BTRC: variants seen among roughly 807,000 people sequenced by gnomAD.
BTRC encodes beta-transducin repeat containing E3 ubiquitin protein ligase, also known as F-box/WD repeat-containing protein 1A.
In BTRC, 42 loss-of-function variants were observed where a neutral mutation model predicts 85.5. That is an observed-to-expected ratio of 0.49 (90% confidence interval 0.38 to 0.64). The LOEUF (loss-of-function observed/expected upper bound fraction) is 0.64. Among genes scored for constraint, BTRC ranks in the 30% least tolerant of loss-of-function variants. The probability of loss-of-function intolerance (pLI) is 0.00; values close to 1 mark genes in which losing one functional copy is unlikely to be tolerated. For missense variants in BTRC, 594 were observed against 743.5 expected (o/e 0.80, Z 2.34); for synonymous variants, 255 against 263.3 (o/e 0.97, Z 0.30).
At chr10:101,551,414 TC>T (rs900168238) in intron 14 of BTRC, among the ~76,000 whole-genome samples, 17 of 152,070 alleles carry the variant, frequency 1.1e-4, no homozygotes, top group African/African-American at 3.6e-4. Flanking sequence ...TCCTCAACCC[TC>T]CAAAAAGAGG....
At chr10:101,437,879 C>T (rs1373045726) in intron 2 of BTRC, among the ~76,000 whole-genome samples, 3 of 152,156 alleles carry the variant, frequency 2.0e-5, no homozygotes, top group Non-Finnish European at 2.9e-5. Flanking sequence ...TTGTCCCTTA[C>T]CCACTCTCTG....
Position 101,535,475 on chromosome 10 carries a change from G to A in BTRC, c.1466+3G>A. On this transcript the variant is annotated splice_donor_region_variant and intron_variant, in intron 11 of 14. Coordinates refer to ENST00000370187, the MANE Select transcript of BTRC (RefSeq NM_033637.4). ...GGCTCATCTGACAACACTATCAGGT[G>A]AGCAGCAAGTGCCTTGTATCATAAG... 6.3e-7 allele frequency: 1 copy of A among 1,597,762 alleles called. No individual in the cohort carries two copies. Among genetic ancestry groups the A allele is most frequent in the African/African-American group, 1.3e-5 (1 of 74,632 alleles).
intron 1 of BTRC, among the ~76,000 whole-genome samples, chr10:101,381,100 T>C (rs1942917032): frequency 6.6e-6 from 1 of 150,984 alleles, no homozygotes; most frequent in Non-Finnish European, 1.5e-5. Flanking sequence ...TTTTTACTTA[T>C]TCTCTGACCT....
chr10:101,392,666 A>AT (rs1042289099), intron 1 of BTRC, among the ~76,000 whole-genome samples: 9 of 151,896 alleles, frequency 5.9e-5, no homozygotes, highest in Non-Finnish European at 1.0e-4. Flanking sequence ...CACCTGGCTA[A>AT]TTTTTTTGTA....
At chr10:101,455,217 ATTT>A (rs34726129) in intron 2 of BTRC, among the ~76,000 whole-genome samples, 6 of 141,272 alleles carry the variant, frequency 4.2e-5, no homozygotes, top group African/African-American at 5.3e-5. Context: ...TGCCCAGCTA[ATTT>A]TTTTTTTTTT....
At chr10:101,365,384 T>A (rs1453419291) in intron 1 of BTRC, among the ~76,000 whole-genome samples, 57 of 151,306 alleles carry the variant, frequency 3.8e-4, no homozygotes, top group Admixed American at 2.8e-3. Context: ...TTTTTTTTTT[T>A]AATTTTTTGA....
chr10:101,391,535 C>A (rs1427627597), intron 1 of BTRC, among the ~76,000 whole-genome samples: 2 of 152,168 alleles, frequency 1.3e-5, no homozygotes, highest in African/African-American at 4.8e-5. Context: ...GTTCAGCCTT[C>A]CCAAAATGCT....
chr10:101,411,714 G>GTTTT (rs34665777), intron 1 of BTRC, among the ~76,000 whole-genome samples: 53,679 of 150,442 alleles, frequency 0.36, 10,597 homozygotes, highest in Middle Eastern at 0.48. Flanking sequence ...TTCATTGTCA[G>GTTTT]TTTTTTTCTG....
In BTRC at chr10:101,536,569, G is replaced by A. The variant is rs1165995905; in HGVS notation, c.1493G>A (p.Cys498Tyr). Residue 498 changes from cysteine (C) to tyrosine (Y), a missense_variant, in exon 12 of 15, where the codon TGT becomes TAT. Cys to Tyr is a radical substitution (Grantham distance 194, BLOSUM62 -2). Around this residue, in one of 4 missense-constraint regions of BTRC, gnomAD observed 373 missense variants for 503.6 expected, o/e 0.74. Transcript: ENST00000370187. ...IRLWDIECGA[C>Y]LRVLEGHEEL... ...TTATGGGACATAGAATGTGGTGCATGTTTACGAGTGTTAGAAGGCCATGAG... is the reference window on the plus strand; with the variant it reads ...TTATGGGACATAGAATGTGGTGCATATTTACGAGTGTTAGAAGGCCATGAG... The A allele has an allele frequency of 6.2e-7, 1 of 1,613,616 alleles. No homozygotes were observed. The highest frequency in any genetic ancestry group is 8.5e-7 in the Non-Finnish European group (1 of 1,179,684).
At chr10:101,445,569 A>G (rs1944802031) in intron 2 of BTRC, among the ~76,000 whole-genome samples, 1 of 152,220 alleles carries the variant, frequency 6.6e-6, no homozygotes, top group Non-Finnish European at 1.5e-5. Context: ...TGTATGGATC[A>G]CTGGTATGTA....
At chr10:101,412,300 G>C (rs1253669972) in intron 1 of BTRC, among the ~76,000 whole-genome samples, 1 of 152,070 alleles carries the variant, frequency 6.6e-6, no homozygotes, top group African/African-American at 2.4e-5. Flanking sequence ...CAAGTAAGTG[G>C]TCCCATTGTA....
intron 4 of BTRC, among the ~76,000 whole-genome samples, chr10:101,503,115 T>A (rs900191440): frequency 1.3e-5 from 2 of 152,186 alleles, no homozygotes; most frequent in African/African-American, 4.8e-5. Flanking sequence ...ACACTCCAGG[T>A]AAATAGTAGA....
At chr10:101,371,169 T>C (rs987476248) in intron 1 of BTRC, among the ~76,000 whole-genome samples, 1 of 146,294 alleles carries the variant, frequency 6.8e-6, no homozygotes, top group Non-Finnish European at 1.5e-5. Context: ...CTATTCTTTT[T>C]TTTTTGTTTG....
chr10:101,366,567 A>G (rs1942380602), intron 1 of BTRC, among the ~76,000 whole-genome samples: 1 of 150,940 alleles, frequency 6.6e-6, no homozygotes, highest in African/African-American at 2.4e-5. Flanking sequence ...TTTGTATTGG[A>G]CCTTGAAGAG....
intron 6 of BTRC, among the ~76,000 whole-genome samples, chr10:101,528,297 GA>G (rs35103212): frequency 0.3 from 44,993 of 152,102 alleles, 7,958 homozygotes; most frequent in Middle Eastern, 0.47. Context: ...AGATGGATGT[GA>G]AAATGCCAAA....
intron 1 of BTRC, among the ~76,000 whole-genome samples, chr10:101,415,491 G>T (rs6421336): frequency 0.36 from 6,988 of 19,560 alleles, 1,585 homozygotes; most frequent in African/African-American, 0.61. Context: ...TTTATTTTAT[G>T]TTATGTTATG....
At chr10:101,535,118 G>A (rs1374620338) in intron 10 of BTRC, among the ~76,000 whole-genome samples, 1 of 152,224 alleles carries the variant, frequency 6.6e-6, no homozygotes, top group African/African-American at 2.4e-5. Context: ...AGTGGTGAGT[G>A]TGAGAAGAGA....
At chr10:101,387,528 C>CCTTTTT (rs1399986557) in intron 1 of BTRC, among the ~76,000 whole-genome samples, 1 of 45,122 alleles carries the variant, frequency 2.2e-5, no homozygotes, top group African/African-American at 1.5e-4. Context: ...CTTCATGGGA[C>CCTTTTT]TTTTTTTTTT....
rs2062721429 is a variant in BTRC at position 101,556,166 on chromosome 10, A to C, written c.*3043A>C. On this transcript the variant is annotated 3_prime_UTR_variant, in exon 15 of 15. Transcript: ENST00000370187. ...TTTCCGAACTAGAAAAGTCTGTGAG[A>C]CCCCTACATCATTCTGGTTTTTTTG... The C allele has an allele frequency of 6.6e-6, 1 of 152,086 alleles. No homozygotes were observed. The highest frequency in any genetic ancestry group is 6.5e-5 in the Admixed American group (1 of 15,274). 9.4% of individuals were successfully genotyped at this position (152,086 alleles called of 1,614,324 possible). A position where few individuals can be genotyped will look rare whatever the true frequency, so the allele number is the denominator to read the frequency against.
Sources: gnomAD v4.1 joint callset for allele counts (sites outside exome capture counted in the v4.1 genomes callset) on GRCh38, gnomAD v4.1.1 for gene constraint, gnomAD v4.1.1 regional missense constraint, MANE v1.5 for transcripts, NCBI Gene and HGNC (gene_info 2026-07-23, HGNC 2026-07-21) for gene names.